The following MEIKIN variants were observed in gnomAD, a reference collection of about 807,000 sequenced individuals.
MEIKIN encodes meiotic kinetochore factor.
chr5:131,893,597 C>T (rs1282688442), intron 8 of MEIKIN, among the ~76,000 whole-genome samples: 2 of 152,210 alleles, frequency 1.3e-5, no homozygotes. Flanking sequence ...CACCCACTGT[C>T]CTGCACCCAC....
chr5:131,932,504 A>G (rs532947379), intron 5 of MEIKIN, among the ~76,000 whole-genome samples: 1 of 150,856 alleles, frequency 6.6e-6, no homozygotes, highest in East Asian at 2.0e-4. Context: ...AGACAAGCTC[A>G]ACCATTTAAG....
intron 11 of MEIKIN, among the ~76,000 whole-genome samples, chr5:131,824,153 C>T (rs929832778): frequency 8.5e-5 from 13 of 152,130 alleles, no homozygotes; most frequent in African/African-American, 3.1e-4. Context: ...ATGGCCTTTC[C>T]CTCCAGTGTG....
chr5:131,876,397 G>A (rs573414583), intron 9 of MEIKIN, among the ~76,000 whole-genome samples: 1 of 151,236 alleles, frequency 6.6e-6, no homozygotes, highest in East Asian at 1.9e-4. Flanking sequence ...ATGAAAAAAT[G>A]CTCATCATCA....
chr5:131,942,234 G>A (rs1229685048), intron 4 of MEIKIN, among the ~76,000 whole-genome samples: 1 of 152,110 alleles, frequency 6.6e-6, no homozygotes, highest in African/African-American at 2.4e-5. Flanking sequence ...AGTCATACTG[G>A]CCTTCTTCAG....
rs7716115 is a variant in MEIKIN, at chr5:131,889,816, T to G, written c.704-10768A>C. 4.4e-3 allele frequency among the ~76,000 whole-genome samples: 670 copies of G among 152,346 alleles called. 12 individuals carry two copies. The highest frequency in any genetic ancestry group is 0.016 in the African/African-American group (652 of 41,580). On this transcript the variant is annotated intron_variant, in intron 8 of 12. Coordinates refer to ENST00000442687, the MANE Select transcript of MEIKIN (RefSeq NM_001303622.2). Reference sequence around the variant, plus strand: ...GTTTTCAAAGGGAATGCTTCCAGTTTTTGGCCATTCAGTATGATATTGGCT... The same window carrying G: ...GTTTTCAAAGGGAATGCTTCCAGTTGTTGGCCATTCAGTATGATATTGGCT...
intron 9 of MEIKIN, among the ~76,000 whole-genome samples, chr5:131,867,411 C>T (rs1309594816): frequency 6.6e-6 from 1 of 152,100 alleles, no homozygotes; most frequent in Admixed American, 6.5e-5. Context: ...GGGTTGGGTT[C>T]ACTCTTGGTG....
At chr5:131,900,033 T>C (rs1751129331) in intron 8 of MEIKIN, among the ~76,000 whole-genome samples, 3 of 152,336 alleles carry the variant, frequency 2.0e-5, no homozygotes, top group South Asian at 4.1e-4. Flanking sequence ...GGGTTCAGAA[T>C]ATACATTTTT....
At chr5:131,883,032 T>C (rs999383271) in intron 8 of MEIKIN, among the ~76,000 whole-genome samples, 5 of 152,244 alleles carry the variant, frequency 3.3e-5, no homozygotes, top group Non-Finnish European at 4.4e-5. Flanking sequence ...TGACGTTATA[T>C]ATTTATTTAT....
At chr5:131,828,913 A>C (rs1017194248) in intron 11 of MEIKIN, among the ~76,000 whole-genome samples, 5 of 152,358 alleles carry the variant, frequency 3.3e-5, no homozygotes, top group African/African-American at 1.2e-4. Flanking sequence ...ACATAAACCC[A>C]AATAATACTG....
intron 8 of MEIKIN, among the ~76,000 whole-genome samples, chr5:131,885,316 CCAGCTGCAGGCCACT>C (rs1561743866): frequency 7.2e-6 from 1 of 138,300 alleles, no homozygotes; most frequent in Non-Finnish European, 1.5e-5. Flanking sequence ...TACCCCACCC[CCAGCTGCAGGCCACT>C]CAGAACTGAA....
At chr5:131,907,751 A>G (rs1239841563) in intron 8 of MEIKIN, among the ~76,000 whole-genome samples, 1 of 152,034 alleles carries the variant, frequency 6.6e-6, no homozygotes, top group Non-Finnish European at 1.5e-5. Flanking sequence ...ATGCGCCTGT[A>G]ATCCCAGCTA....
intron 8 of MEIKIN, among the ~76,000 whole-genome samples, chr5:131,901,143 C>T (rs1751149280): frequency 6.6e-6 from 1 of 152,164 alleles, no homozygotes; most frequent in Non-Finnish European, 1.5e-5. Flanking sequence ...CTACCCCACA[C>T]CCTGCAAGGC....
intron 11 of MEIKIN, among the ~76,000 whole-genome samples, chr5:131,833,583 C>A (rs565972541): frequency 6.6e-6 from 1 of 152,012 alleles, no homozygotes; most frequent in Non-Finnish European, 1.5e-5. Flanking sequence ...TAACAGGAGG[C>A]GAAAAGCACT....
chr5:131,823,456 G>T (rs1162540146), intron 11 of MEIKIN, among the ~76,000 whole-genome samples: 1 of 151,658 alleles, frequency 6.6e-6, no homozygotes, highest in Non-Finnish European at 1.5e-5. Context: ...TGCTTGATCA[G>T]TTCTGCTGTT....
Position 131,845,648 on chromosome 5 carries a change from GA to G in MEIKIN, c.975+5615del, listed in dbSNP as rs1750006673. 4.0e-5 allele frequency among the ~76,000 whole-genome samples: 6 copies of G among 151,468 alleles called. 1 individual carries two copies. The South Asian group carries it at 1.2e-3, about 32-fold the overall frequency. Reference sequence around the variant, plus strand: ...TCTAGAGCTTAAAAGTACAATAACTGAAAGGAAAAATTCACTAGAAAGATCC... The same window carrying G: ...TCTAGAGCTTAAAAGTACAATAACTGAAGGAAAAATTCACTAGAAAGATCC... On this transcript the variant is annotated intron_variant, in intron 11 of 12. Transcript: ENST00000442687.
intron 8 of MEIKIN, among the ~76,000 whole-genome samples, chr5:131,911,252 A>T (rs549090616): frequency 3.9e-4 from 59 of 152,220 alleles, no homozygotes; most frequent in African/African-American, 1.3e-3. Context: ...ATATATACAT[A>T]CAAACATTTA....
chr5:131,922,090 T>C (rs761971784), intron 5 of MEIKIN, 149 bp from the exon 6 acceptor site: 10 of 391,484 alleles, frequency 2.6e-5, no homozygotes, highest in Non-Finnish European at 3.6e-5. Flanking sequence ...AAATAAGCCT[T>C]GATGGATCAA....
At chr5:131,936,680 C>T (rs950040838) in intron 4 of MEIKIN, among the ~76,000 whole-genome samples, 3 of 152,160 alleles carry the variant, frequency 2.0e-5, no homozygotes, top group Middle Eastern at 3.4e-3. Flanking sequence ...CTGCAACCTC[C>T]GCCTCCCAAG....
chr5:131,939,642 T>C (rs1361979764), intron 4 of MEIKIN, among the ~76,000 whole-genome samples: 1 of 152,174 alleles, frequency 6.6e-6, no homozygotes, highest in African/African-American at 2.4e-5. Context: ...ATTAAAACAA[T>C]AAATCATATG....
Sources: allele counts gnomAD v4.1 joint callset (sites outside exome capture counted in the v4.1 genomes callset), GRCh38; gene constraint gnomAD v4.1.1; transcripts MANE v1.5; gene names NCBI Gene and HGNC (gene_info 2026-07-23, HGNC 2026-07-21).